The following TSPAN15 variants were observed in gnomAD, a reference collection of about 807,000 sequenced individuals.
The protein encoded by TSPAN15 is tetraspanin 15.
TSPAN15 carries 20 observed loss-of-function variants against 34.5 expected under a neutral mutation model. The ratio of observed to expected loss-of-function variants is 0.58; its 90% CI spans 0.41 to 0.84. TSPAN15 has a LOEUF of 0.84. Ranked by LOEUF, TSPAN15 falls within the 40% of genes least tolerant of loss-of-function variation. TSPAN15 has a pLI of 0.00. For missense variants in TSPAN15, 313 were observed against 386.1 expected, an observed-to-expected ratio of 0.81 and a Z score of 1.59; for synonymous variants, 155 against 153.9, an observed-to-expected ratio of 1.01 and a Z score of -0.05.
chr10:69,546,402 T>C, the TSPAN15 span, among the ~76,000 whole-genome samples: 1 of 152,238 alleles, frequency 6.6e-6, no homozygotes, highest in Non-Finnish European at 1.5e-5. Flanking sequence ...ATCTCTTCCC[T>C]GATGACTCCC....
the TSPAN15 span, among the ~76,000 whole-genome samples, chr10:69,542,909 G>T: frequency 1.3e-5 from 2 of 152,240 alleles, no homozygotes; most frequent in Non-Finnish European, 2.9e-5. Flanking sequence ...ACAGACCTGG[G>T]TTTGAAAGTC....
At chr10:69,543,844 A>AGTAT in the TSPAN15 span, among the ~76,000 whole-genome samples, 16 of 73,808 alleles carry the variant, frequency 2.2e-4, no homozygotes, top group African/African-American at 9.1e-4. Context: ...GAAGAAGGGG[A>AGTAT]GTGTGTGTGT....
the TSPAN15 span, among the ~76,000 whole-genome samples, chr10:69,528,050 C>G: frequency 3.4e-5 from 5 of 148,262 alleles, no homozygotes; most frequent in African/African-American, 1.2e-4. Flanking sequence ...CTTGGCCTGG[C>G]GCACTGCACT....
At chr10:69,466,428 A>G (rs1293520677) in intron 1 of TSPAN15, among the ~76,000 whole-genome samples, 1 of 152,226 alleles carries the variant, frequency 6.6e-6, no homozygotes, top group African/African-American at 2.4e-5. Context: ...TAGCTGGGCC[A>G]TGGGGGAACA....
chr10:69,462,999 G>A (rs1841303698), intron 1 of TSPAN15, among the ~76,000 whole-genome samples: 1 of 152,186 alleles, frequency 6.6e-6, no homozygotes, highest in African/African-American at 2.4e-5. Flanking sequence ...TATGGGAGCT[G>A]GCTTCTCCTG....
At chr10:69,539,463 G>GAAGAAGAAGAAGAA in the TSPAN15 span, among the ~76,000 whole-genome samples, 1 of 55,640 alleles carries the variant, frequency 1.8e-5, no homozygotes, top group Non-Finnish European at 3.3e-5. Flanking sequence ...AGAAGAAGAA[G>GAAGAAGAAGAAGAA]GAGAAGGAGA....
the TSPAN15 span, among the ~76,000 whole-genome samples, chr10:69,524,452 T>C: frequency 9.5e-5 from 14 of 146,644 alleles, 1 homozygote; most frequent in Admixed American, 9.2e-4. Context: ...GGTGACAGAG[T>C]GAGACTCTGT....
chr10:69,464,231 T>A (rs1257013948), intron 1 of TSPAN15, among the ~76,000 whole-genome samples: 1 of 152,234 alleles, frequency 6.6e-6, no homozygotes, highest in East Asian at 1.9e-4. Context: ...GCCACCCCAT[T>A]TGTGGTCATT....
At chr10:69,469,716 C>T (rs10998810) in intron 1 of TSPAN15, among the ~76,000 whole-genome samples, 9,463 of 152,200 alleles carry the variant, frequency 0.062, 1,017 homozygotes, top group African/African-American at 0.22. Flanking sequence ...CTAATTTTTG[C>T]ATTTTTTTGT....
At chr10:69,518,175 A>C in the TSPAN15 span, among the ~76,000 whole-genome samples, 2 of 152,270 alleles carry the variant, frequency 1.3e-5, no homozygotes, top group Non-Finnish European at 2.9e-5. Flanking sequence ...TTCAATTTGC[A>C]TTGAACGCAA....
the TSPAN15 span, among the ~76,000 whole-genome samples, chr10:69,527,229 A>G: frequency 6.8e-6 from 1 of 148,002 alleles, no homozygotes; most frequent in Non-Finnish European, 1.5e-5. Context: ...TCCCTGGGCC[A>G]CGTTGGAAAA....
the TSPAN15 span, among the ~76,000 whole-genome samples, chr10:69,539,533 A>AAGAAGAAGG: frequency 5.3e-3 from 255 of 47,862 alleles, no homozygotes; most frequent in South Asian, 0.011. Context: ...GAAGAAGAAG[A>AAGAAGAAGG]AGAAGGAGAA....
chr10:69,458,975 G>A (rs966975754), intron 1 of TSPAN15, among the ~76,000 whole-genome samples: 4 of 151,960 alleles, frequency 2.6e-5, no homozygotes, highest in African/African-American at 7.3e-5. Context: ...GCCACCCTGG[G>A]GTGGGGCTCA....
the TSPAN15 span, among the ~76,000 whole-genome samples, chr10:69,515,171 C>G: frequency 6.6e-6 from 1 of 152,210 alleles, no homozygotes; most frequent in Non-Finnish European, 1.5e-5. Flanking sequence ...CCTAGTTTTT[C>G]TCTTACTTCT....
chr10:69,463,758 C>T (rs1237791975), intron 1 of TSPAN15, among the ~76,000 whole-genome samples: 2 of 145,130 alleles, frequency 1.4e-5, no homozygotes, highest in Admixed American at 7.2e-5. Flanking sequence ...TGCAGTGAGC[C>T]GAGATGGCGC....
At chr10:69,529,122 T>C in the TSPAN15 span, among the ~76,000 whole-genome samples, 2 of 148,218 alleles carry the variant, frequency 1.3e-5, no homozygotes, top group African/African-American at 4.9e-5. Flanking sequence ...AGCCAGGCAG[T>C]GGGAGCAGGC....
chr10:69,538,617 C>A, the TSPAN15 span, among the ~76,000 whole-genome samples: 1 of 152,248 alleles, frequency 6.6e-6, no homozygotes, highest in Admixed American at 6.5e-5. Flanking sequence ...ATCACTCAGC[C>A]TGGCTCACAG....
chr10:69,465,317 C>A (rs1841360647), intron 1 of TSPAN15, among the ~76,000 whole-genome samples: 1 of 152,182 alleles, frequency 6.6e-6, no homozygotes, highest in Non-Finnish European at 1.5e-5. Context: ...GTTCAGGGAC[C>A]CACAGACCCT....
rs1000329910 is a variant in TSPAN15, at chr10:69,503,794, C to T, written c.571-644C>T. ...GGCACAGGTGGTGATGGGAAGTGCC[C>T]GCGGCAGCCTGTGAGTTAGGGCCTG... On this transcript the variant is annotated intron_variant, in intron 5 of 7. Coordinates refer to ENST00000373290, the MANE Select transcript of TSPAN15 (RefSeq NM_012339.5). 1.6e-4 allele frequency among the ~76,000 whole-genome samples: 25 copies of T among 152,316 alleles called. 1 individual carries two copies. Among genetic ancestry groups the T allele is most frequent in the South Asian group, 6.2e-4 (3 of 4,826 alleles).
Sources: allele counts gnomAD v4.1 joint callset (sites outside exome capture counted in the v4.1 genomes callset), GRCh38; gene constraint gnomAD v4.1.1; transcripts MANE v1.5; gene names NCBI Gene and HGNC (gene_info 2026-07-23, HGNC 2026-07-21).